PPP1R13L: variants seen among roughly 807,000 people sequenced by gnomAD.
PPP1R13L encodes protein phosphatase 1 regulatory subunit 13 like.
A neutral mutation model predicts 80.9 loss-of-function variants in PPP1R13L; 50 were observed. The observed-to-expected ratio is 0.62, with a 90% CI of 0.49 to 0.78. PPP1R13L has a LOEUF of 0.78. PPP1R13L is among the 30% of genes least tolerant of loss of function. The pLI is 0.00. For synonymous variants in PPP1R13L, 602 were observed against 534.3 expected (o/e 1.13, Z -1.75); for missense variants, 1,200 against 1,205.9 (o/e 1.00, Z 0.07).
chr19:45,396,744 G>A lies in PPP1R13L; in HGVS notation c.513C>T (p.Pro171=). 2 of 1,369,622 alleles carry A rather than the reference G, an allele frequency of 1.5e-6. No individual in the cohort carries two copies. Among genetic ancestry groups the A allele is most frequent in the East Asian group, 2.9e-5 (1 of 34,182 alleles). The allele number at this position is 1,369,622 out of a possible 1,614,324, so 84.8% of individuals were successfully genotyped here. A position where few individuals can be genotyped will look rare whatever the true frequency, so the allele number is the denominator to read the frequency against. The change falls in exon 4 of 13, where the codon CCC becomes CCT. Residue 171 remains proline (P), a synonymous_variant. Coordinates refer to ENST00000360957, the MANE Select transcript of PPP1R13L (RefSeq NM_006663.4). The surrounding 1 kb of genome is among the most constrained non-coding windows in gnomAD (Gnocchi z 5.3). The stretch of plus-strand genomic sequence containing the variant: ...GGCCCAGGAAGTCGAAAGGCGTGGG[G>A]GGACCCTGCTGGCGGAGCGGGCCTG... ...PGPGPLRQQG[P]PTPFDFLGRA... is the part of the protein sequence containing the mutation.
At chr19:45,386,246 GGAAACAGAGGT>G in intron 8 of PPP1R13L, 66 bp from the exon 9 acceptor site, 1 of 1,429,534 alleles carries the variant, frequency 7.0e-7, no homozygotes, top group South Asian at 1.5e-5. Context: ...ATCTAGAGTA[GGAAACAGAGGT>G]CCAGGGACTT....
chr19:45,393,945 C>G (rs561757588), intron 7 of PPP1R13L, among the ~76,000 whole-genome samples: 1 of 152,216 alleles, frequency 6.6e-6, no homozygotes, highest in Non-Finnish European at 1.5e-5. Context: ...CACATTATTT[C>G]ATTGAATCCC....
chr19:45,400,108 G>T (rs961817424), intron 1 of PPP1R13L, among the ~76,000 whole-genome samples: 26 of 151,914 alleles, frequency 1.7e-4, no homozygotes, highest in African/African-American at 4.8e-4. Context: ...GGTAGTAATC[G>T]GTTTCACACC....
chr19:45,406,141 C>T, upstream of PPP1R13L: 1 of 294,514 alleles, frequency 3.4e-6, no homozygotes, highest in Non-Finnish European at 5.1e-6. This position sits in a 1 kb window ranked among gnomAD's most constrained non-coding sequence, Gnocchi z 4.2. Flanking sequence ...AAGCCCCGCC[C>T]CTGGCTGGAA....
In PPP1R13L at chr19:45,398,074, G is replaced by C; in HGVS notation, c.129C>G (p.Thr43=). ...DTAAAKVDEL[T]KQLESLWSDS... is the part of the protein sequence containing the mutation. ...CTGACCACAGCGACTCCAGCTGCTT[G>C]GTCAGTTCATCCACCTTGGCCGCCG... Residue 43 remains threonine, a synonymous_variant, in exon 3 of 13, where the codon ACC becomes ACG. Coordinates refer to ENST00000360957, the MANE Select transcript of PPP1R13L (RefSeq NM_006663.4). 1 of 1,614,162 alleles carries C rather than the reference G, an allele frequency of 6.2e-7. No homozygotes were observed. Among genetic ancestry groups the C allele is most frequent in the South Asian group, 1.1e-5 (1 of 91,090 alleles).
Position 45,391,745 on chromosome 19 carries a change from T to G in PPP1R13L, c.1815+135A>C, listed in dbSNP as rs1210831461. On this transcript the variant is annotated intron_variant, in intron 8 of 12. Coordinates refer to ENST00000360957, the MANE Select transcript of PPP1R13L (RefSeq NM_006663.4). ...CAGTGAGGTGCCTACAGTCCTGGGC[T>G]GCAAACTCTTGGACTTCTACTCAAA... 4.9e-6 allele frequency: 3 copies of G among 617,228 alleles called. No homozygotes were observed. The East Asian group carries it at 1.0e-4, about 20-fold the overall frequency. 38.2% of individuals were successfully genotyped at this position (617,228 alleles called of 1,614,324 possible).
chr19:45,399,406 C>CTT lies in PPP1R13L; in HGVS notation c.-21-1068_-21-1067insAA, dbSNP rs1379772778. On this transcript the variant is annotated intron_variant, in intron 1 of 12. Transcript: ENST00000360957. Reference sequence around the variant, plus strand: ...TTGGGAGGCCAAGGAGGGCGGATCACGAGGTCAGGAGAGCGAGACCATCCT... The same window carrying CTT: ...TTGGGAGGCCAAGGAGGGCGGATCACTTGAGGTCAGGAGAGCGAGACCATCCT... Among the ~76,000 whole-genome samples, 8 of 149,078 alleles carry CTT rather than the reference C, an allele frequency of 5.4e-5. No homozygotes were observed. In the East Asian group the frequency reaches 1.6e-3, roughly 31 times the overall value.
Position 45,396,423 on chromosome 19 carries a change from C to G in PPP1R13L, c.726G>C (p.Leu242=), listed in dbSNP as rs755815500. 1.2e-6 allele frequency: 2 copies of G among 1,614,096 alleles called. No individual in the cohort carries two copies. The highest frequency in any genetic ancestry group is 1.7e-6 in the Non-Finnish European group (2 of 1,179,988). ...TCCAGGCTTTCGGAGGCCGCCGGCG[C>G]AGCGTCAGGTCGTCTGGGGAGAAGT... ...PPLRAQDDLT[L]RRRPPKAWNE... The change falls in exon 5 of 13, where the codon CTG becomes CTC. Residue 242 remains leucine (L), a synonymous_variant. Coordinates refer to ENST00000360957, the MANE Select transcript of PPP1R13L (RefSeq NM_006663.4). This position sits in a 1 kb window ranked among gnomAD's most constrained non-coding sequence, Gnocchi z 5.3.
chr19:45,396,474 G>C lies in PPP1R13L; in HGVS notation c.713-38C>G, dbSNP rs769851817. On this transcript the variant is annotated intron_variant, in intron 4 of 12. Transcript: ENST00000360957. This position sits in a 1 kb window ranked among gnomAD's most constrained non-coding sequence, Gnocchi z 5.3. ...TTCCAGGGAGGATGAGACGGGAGGG[G>C]TGGCGAGCCCCGGATCCTGCCCGCT... 3.7e-6 allele frequency: 6 copies of C among 1,612,716 alleles called. No individual in the cohort carries two copies. Among genetic ancestry groups the C allele is most frequent in the Middle Eastern group, 1.7e-4 (1 of 6,058 alleles).
At chr19:45,393,945 C>T (rs561757588) in intron 7 of PPP1R13L, among the ~76,000 whole-genome samples, 4 of 152,098 alleles carry the variant, frequency 2.6e-5, no homozygotes, top group African/African-American at 9.7e-5. Context: ...CACATTATTT[C>T]ATTGAATCCC....
At position 45,395,821 on chromosome 19, in the gene PPP1R13L, A is replaced by T. The variant is rs777611666; in HGVS notation, c.969T>A (p.Arg323=). The T allele has an allele frequency of 6.3e-7, 1 of 1,593,750 alleles. No individual in the cohort carries two copies. The highest frequency in any genetic ancestry group is 8.5e-7 in the Non-Finnish European group (1 of 1,172,228). Residue 323 remains arginine (R), a synonymous_variant, in exon 7 of 13, where the codon CGT becomes CGA. Transcript: ENST00000360957. The stretch of plus-strand genomic sequence containing the variant: ...AGCGCCGGTAGCTGCCCGCGTCTGA[A>T]CGCCGGTCGCTGGCCAGAGGAGAGA... ...YKVSPLASDR[R]SDAGSYRRSL...
At chr19:45,395,265 A>G (rs1237459628) in intron 7 of PPP1R13L, 171 bp downstream of exon 7, 1 of 851,688 alleles carries the variant, frequency 1.2e-6, no homozygotes, top group Admixed American at 2.1e-5. Flanking sequence ...CCTTTGAGCT[A>G]TCCCTGGCTC....
chr19:45,385,399 C>T (rs1972844127), intron 11 of PPP1R13L, among the ~76,000 whole-genome samples, 163 bp downstream of exon 11: 2 of 152,350 alleles, frequency 1.3e-5, no homozygotes, highest in East Asian at 1.9e-4. Context: ...GCATAGTCCC[C>T]CCACCCCCGC....
intron 1 of PPP1R13L, among the ~76,000 whole-genome samples, chr19:45,403,652 T>C (rs1323194468): frequency 6.6e-6 from 1 of 152,068 alleles, no homozygotes; most frequent in African/African-American, 2.4e-5. Context: ...AATGCGAGCT[T>C]TCCTACCTAC....
chr19:45,383,759 T>C (rs999837354), intron 11 of PPP1R13L, among the ~76,000 whole-genome samples: 2 of 151,668 alleles, frequency 1.3e-5, no homozygotes, highest in Admixed American at 1.3e-4. Flanking sequence ...CTTTCTTTTC[T>C]TTTCTTTTCT....
intron 1 of PPP1R13L, among the ~76,000 whole-genome samples, chr19:45,401,125 G>A (rs530296874): frequency 1.3e-5 from 2 of 151,116 alleles, no homozygotes; most frequent in African/African-American, 2.4e-5. Context: ...AGGCTAAGGC[G>A]GGAGGATCAC....
chr19:45,402,937 G>A (rs1973262179), intron 1 of PPP1R13L, among the ~76,000 whole-genome samples: 1 of 152,180 alleles, frequency 6.6e-6, no homozygotes, highest in East Asian at 1.9e-4. Context: ...CACCCAGGCT[G>A]GACTCCTACA....
Position 45,385,977 on chromosome 19 carries a change from G to C in PPP1R13L, c.1948-20C>G. Reference sequence around the variant, plus strand: ...GTTCATCTGAGTGCACCGGGGGAGGGGGAAGACTCAGTCCCGCGGCTGGCA... The same window carrying C: ...GTTCATCTGAGTGCACCGGGGGAGGCGGAAGACTCAGTCCCGCGGCTGGCA... On this transcript the variant is annotated intron_variant, in intron 9 of 12. Transcript: ENST00000360957. 6.2e-7 allele frequency: 1 copy of C among 1,602,796 alleles called. No homozygotes were observed. The highest frequency in any genetic ancestry group is 8.5e-7 in the Non-Finnish European group (1 of 1,176,408).
intron 8 of PPP1R13L, among the ~76,000 whole-genome samples, chr19:45,389,711 G>A (rs1015608335): frequency 1.3e-5 from 2 of 152,192 alleles, no homozygotes; most frequent in African/African-American, 2.4e-5. Context: ...TTGGGAGACT[G>A]ACGCAGGAGA....
Sources: allele counts gnomAD v4.1 joint callset (sites outside exome capture counted in the v4.1 genomes callset), GRCh38; gene constraint gnomAD v4.1.1; non-coding constraint Gnocchi (gnomAD v3.1); transcripts MANE v1.5; gene names NCBI Gene and HGNC (gene_info 2026-07-23, HGNC 2026-07-21).